Variants in NSUN3 observed in about 807,000 individuals in gnomAD.
NSUN3 encodes NOP2/Sun RNA methyltransferase 3, also known as tRNA (cytosine(34)-C(5))-methyltransferase, mitochondrial.
In NSUN3, 24 loss-of-function variants were observed where a neutral mutation model predicts 36.8. The ratio of observed to expected loss-of-function variants is 0.65; its 90% CI spans 0.47 to 0.92. NSUN3 has a LOEUF of 0.92. Ranked by LOEUF, NSUN3 falls within the 40% of genes least tolerant of loss-of-function variation. The pLI, the probability that NSUN3 is intolerant of heterozygous loss-of-function variation, is 0.00. For missense variants in NSUN3, 381 were observed against 392.8 expected (o/e 0.97, Z 0.25); for synonymous variants, 146 against 145.2 (o/e 1.01, Z -0.04).
Position 94,110,060 on chromosome 3 carries a change from A to G in NSUN3, c.743+14906A>G, listed in dbSNP as rs553273247. On this transcript the variant is annotated intron_variant, in intron 5 of 5. Transcript: ENST00000314622. ...AAGTTTATTCATAGTGTGTGTCTCA[A>G]AAGTTTGCTCCTTTTTATTGGGTCA... Among the ~76,000 whole-genome samples, 541 of 152,282 alleles carry G rather than the reference A, an allele frequency of 3.6e-3. 2 individuals carry two copies. The highest frequency in any genetic ancestry group is 4.9e-3 in the Non-Finnish European group (336 of 68,004).
At position 94,128,803 on chromosome 3, in the gene NSUN3, C is replaced by G. The variant is rs891050933; in HGVS notation, c.*2313C>G. Among the ~76,000 whole-genome samples, 1 of 151,896 alleles carries G rather than the reference C, an allele frequency of 6.6e-6. No individual in the cohort carries two copies. The highest frequency in any genetic ancestry group is 2.4e-5 in the African/African-American group (1 of 41,350). On this transcript the variant is annotated 3_prime_UTR_variant, in exon 6 of 6. Transcript: ENST00000314622. ...GGAACTTAAATCAGCAAGCAAAAAA[C>G]AAATAACCCTATTAAAAACTGAGCA...
intron 5 of NSUN3, among the ~76,000 whole-genome samples, chr3:94,115,834 A>G (rs567254856): frequency 6.6e-6 from 1 of 152,320 alleles, no homozygotes; most frequent in South Asian, 2.1e-4. Flanking sequence ...TATATTTTTA[A>G]AAAAGTGTTA....
intron 2 of NSUN3, chr3:94,076,092 C>G: frequency 2.0e-6 from 3 of 1,521,938 alleles, no homozygotes; most frequent in Non-Finnish European, 9.1e-7. Context: ...AACAACAACT[C>G]TGGTGACCCG....
Position 94,095,018 on chromosome 3 carries a change from C to CT in NSUN3, c.622-7dup, listed in dbSNP as rs1399701502. The CT allele has an allele frequency of 1.3e-5, 21 of 1,611,390 alleles. No individual in the cohort carries two copies. Among genetic ancestry groups the CT allele is most frequent in the East Asian group, 4.5e-5 (2 of 44,810 alleles). Reference sequence around the variant, plus strand: ...GTCAGTGCATATTTGCATCACTTGTCTTTTTTTTCTCTAGGTGTTAGTGGA... The same window carrying CT: ...GTCAGTGCATATTTGCATCACTTGTCTTTTTTTTTCTCTAGGTGTTAGTGGA... On this transcript the variant is annotated splice_polypyrimidine_tract_variant and intron_variant, in intron 4 of 5. Coordinates refer to ENST00000314622, the MANE Select transcript of NSUN3 (RefSeq NM_022072.5).
chr3:94,101,213 G>A (rs939192044), intron 5 of NSUN3, among the ~76,000 whole-genome samples: 12 of 151,892 alleles, frequency 7.9e-5, no homozygotes, highest in Non-Finnish European at 1.8e-4. Flanking sequence ...GGCTGGTCTC[G>A]AACTCCTGGC....
At chr3:94,102,469 T>G (rs935487124) in intron 5 of NSUN3, among the ~76,000 whole-genome samples, 6 of 152,210 alleles carry the variant, frequency 3.9e-5, no homozygotes, top group Non-Finnish European at 7.3e-5. Flanking sequence ...CATCGTATGC[T>G]TAGTCATATG....
chr3:94,064,629 G>T, intron 2 of NSUN3, 83 bp downstream of exon 2: 1 of 827,416 alleles, frequency 1.2e-6, no homozygotes, highest in East Asian at 2.7e-5. Flanking sequence ...ATGCTGTGAG[G>T]TTAAAAGGCA....
intron 2 of NSUN3, chr3:94,076,568 G>A (rs988988944): frequency 2.5e-5 from 21 of 835,452 alleles, no homozygotes; most frequent in African/African-American, 2.0e-4. Flanking sequence ...GATGTCCCAC[G>A]GGTAGATGGT....
At chr3:94,095,272 C>T (rs907769361) in intron 5 of NSUN3, 118 bp downstream of exon 5, 14 of 973,330 alleles carry the variant, frequency 1.4e-5, no homozygotes, top group Admixed American at 2.3e-5. Flanking sequence ...GATTATTCCT[C>T]CAAAGGCTAC....
intron 5 of NSUN3, among the ~76,000 whole-genome samples, chr3:94,099,057 C>G (rs552524215): frequency 6.6e-6 from 1 of 152,104 alleles, no homozygotes; most frequent in South Asian, 2.1e-4. Flanking sequence ...GTATATTACA[C>G]GGGTTGAGTA....
At chr3:94,120,739 G>A (rs1403071464) in intron 5 of NSUN3, among the ~76,000 whole-genome samples, 4 of 152,136 alleles carry the variant, frequency 2.6e-5, no homozygotes, top group Admixed American at 6.5e-5. Flanking sequence ...ATGAACATGG[G>A]TACAAATATC....
chr3:94,106,242 T>A (rs941568532), intron 5 of NSUN3, among the ~76,000 whole-genome samples: 1 of 152,226 alleles, frequency 6.6e-6, no homozygotes, highest in African/African-American at 2.4e-5. Flanking sequence ...GAAATATTCT[T>A]TATAAGAAAT....
chr3:94,121,627 T>G (rs1335082949), intron 5 of NSUN3, among the ~76,000 whole-genome samples: 1 of 151,994 alleles, frequency 6.6e-6, no homozygotes, highest in Non-Finnish European at 1.5e-5. Context: ...GGGCAGTGAA[T>G]AGTGAGGAGA....
chr3:94,076,729 A>G, intron 2 of NSUN3: 1 of 1,388,660 alleles, frequency 7.2e-7, no homozygotes, highest in South Asian at 1.2e-5. Context: ...AGATAAGAAC[A>G]TCACTGGAAG....
intron 2 of NSUN3, among the ~76,000 whole-genome samples, chr3:94,078,993 C>T (rs1343306501): frequency 1.3e-5 from 2 of 152,012 alleles, no homozygotes; most frequent in African/African-American, 4.8e-5. Flanking sequence ...TTTATTTTGT[C>T]CGTTAGTTGA....
intron 3 of NSUN3, chr3:94,085,001 C>T (rs968249458): frequency 6.6e-6 from 1 of 151,994 alleles, no homozygotes; most frequent in Non-Finnish European, 1.5e-5. Context: ...AATATGTAAT[C>T]AAAATAGAAA....
chr3:94,063,249 C>G lies in NSUN3; in HGVS notation c.12+111C>G, dbSNP rs994237613. The G allele has an allele frequency of 1.2e-5, 13 of 1,068,090 alleles. No individual in the cohort carries two copies. The Admixed American group carries it at 1.9e-4, about 16-fold the overall frequency. The allele number at this position is 1,068,090 out of a possible 1,614,324, so 66.2% of individuals were successfully genotyped here. A position where few individuals can be genotyped will look rare whatever the true frequency, so the allele number is the denominator to read the frequency against. On this transcript the variant is annotated intron_variant, in intron 1 of 5. Coordinates refer to ENST00000314622, the MANE Select transcript of NSUN3 (RefSeq NM_022072.5). ...GGGGGAACATCACCTTTGTTCGTCC[C>G]CTCGCGAGATCAGCGTTTCTTTGGC...
At chr3:94,110,631 C>A (rs4857173) in intron 5 of NSUN3, among the ~76,000 whole-genome samples, 119,668 of 151,892 alleles carry the variant, frequency 0.79, 47,317 homozygotes, top group Non-Finnish European at 0.82. Flanking sequence ...CTCTCTTCCA[C>A]GATATCATAA....
rs897893440 is a variant in NSUN3 at position 94,127,264 on chromosome 3, A to G, written c.*774A>G. 4.6e-5 allele frequency: 7 copies of G among 152,348 alleles called. No homozygotes were observed. In the East Asian group the frequency reaches 1.3e-3, roughly 29 times the overall value. 9.4% of individuals were successfully genotyped at this position (152,348 alleles called of 1,614,324 possible). A position where few individuals can be genotyped will look rare whatever the true frequency, so the allele number is the denominator to read the frequency against. On this transcript the variant is annotated 3_prime_UTR_variant, in exon 6 of 6. Coordinates refer to ENST00000314622, the MANE Select transcript of NSUN3 (RefSeq NM_022072.5). The stretch of plus-strand genomic sequence containing the variant: ...ACTTGAGACAAAACCGGAATGATTA[A>G]TAACTGCAATCACTGAACTATATTT...
Sources: gnomAD v4.1 joint callset for allele counts (sites outside exome capture counted in the v4.1 genomes callset) on GRCh38, gnomAD v4.1.1 for gene constraint, MANE v1.5 for transcripts, NCBI Gene and HGNC (gene_info 2026-07-23, HGNC 2026-07-21) for gene names.